Variants in VSIG4 observed in about 807,000 individuals in gnomAD.
The protein encoded by VSIG4 is V-set and immunoglobulin domain containing 4, also known as V-set and immunoglobulin domain-containing protein 4.
Under a neutral mutation model 23.4 loss-of-function variants are expected in VSIG4, and 34 were observed. The observed-to-expected ratio is 1.45, with a 90% CI of 1.10 to 1.93. The LOEUF (loss-of-function observed/expected upper bound fraction) is 1.93, where lower values mean the gene tolerates loss of function less well. Ranked by LOEUF, VSIG4 falls within the 30% of genes most tolerant of loss-of-function variation. The probability of loss-of-function intolerance (pLI) is 0.00; values close to 1 mark genes in which losing one functional copy is unlikely to be tolerated. For synonymous variants in VSIG4, 169 were observed against 120.3 expected (o/e 1.41, Z -2.65); for missense variants, 433 against 310.8 (o/e 1.39, Z -2.96).
At chrX:66,039,399 G>T (rs943464172) in intron 1 of VSIG4, among the ~76,000 whole-genome samples, 2 of 112,081 alleles carry the variant, frequency 1.8e-5, no homozygotes, top group Non-Finnish European at 3.8e-5. Flanking sequence ...AGTTGGAGCT[G>T]CTCCTGGATG....
chrX:66,039,775 T>G (rs988933718), intron 1 of VSIG4, among the ~76,000 whole-genome samples, 169 bp downstream of exon 1: 20 of 112,658 alleles, frequency 1.8e-4, no homozygotes, highest in Non-Finnish European at 3.0e-4. Context: ...TTCAGCAGCC[T>G]TCAACTACAT....
chrX:66,036,135 T>C (rs192448032), intron 1 of VSIG4, among the ~76,000 whole-genome samples: 3 of 111,210 alleles, frequency 2.7e-5, no homozygotes, highest in African/African-American at 9.8e-5. Flanking sequence ...TTTTACTTTT[T>C]TTTTCCTCTC....
rs752516116 is a variant in VSIG4, at chrX:66,025,325, G to A, written c.836-196C>T. Among the ~76,000 whole-genome samples, 10 of 112,151 alleles carry A rather than the reference G, an allele frequency of 8.9e-5. No individual in the cohort carries two copies. The South Asian group carries it at 3.7e-3, about 41-fold the overall frequency. ...GAGAAAGAGATGCCATGTGTAAACA[G>A]GTTCTTCCAGACTCACTGGTGGGCT... On this transcript the variant is annotated intron_variant, in intron 5 of 7. Coordinates refer to ENST00000374737, the MANE Select transcript of VSIG4 (RefSeq NM_007268.3).
At chrX:66,029,285 A>G (rs1459302797) in intron 3 of VSIG4, among the ~76,000 whole-genome samples, 1 of 111,846 alleles carries the variant, frequency 8.9e-6, no homozygotes, top group East Asian at 2.8e-4. Flanking sequence ...CCTTTTGAGA[A>G]AGGAAGCAAA....
Position 66,039,981 on chromosome X carries a change from G to A in VSIG4, c.18C>T (p.Gly6=), listed in dbSNP as rs1255928683. 1 of 1,209,954 alleles carries A rather than the reference G, an allele frequency of 8.3e-7. No homozygotes were observed. Among genetic ancestry groups the A allele is most frequent in the African/African-American group, 1.7e-5 (1 of 57,293 alleles). MGILL[G]LLLLGHLTVD... ...CTGTTAGGTGCCCCAGGAGTAGCAG[G>A]CCCAGTAAGATCCCCATCACAGCCA... The change falls in exon 1 of 8, where the codon GGC becomes GGT. Residue 6 remains glycine, a synonymous_variant. Transcript: ENST00000374737.
At chrX:66,032,824 T>C (rs2085481731) in intron 2 of VSIG4, 75 bp from the exon 3 acceptor site, 2 of 1,080,383 alleles carry the variant, frequency 1.9e-6, no homozygotes, top group African/African-American at 3.7e-5. Flanking sequence ...ATCATTCTTG[T>C]TGGGCGTAAG....
chrX:66,025,094 T>C lies in VSIG4; in HGVS notation c.871A>G (p.Ile291Val), dbSNP rs1211672362. ...AAAACCACCATACAGCACAAGGAGA[T>C]GATGAGGATGATGGCAAAGACAGGC... ...SLPVFAIILIISLCCMVVFTM... is the reference protein window; with the variant it reads ...SLPVFAIILIVSLCCMVVFTM... Residue 291 changes from isoleucine (I) to valine (V), a missense_variant, in exon 6 of 8, where the codon ATC becomes GTC. Coordinates refer to ENST00000374737, the MANE Select transcript of VSIG4 (RefSeq NM_007268.3). 2 of 1,200,987 alleles carry C rather than the reference T, an allele frequency of 1.7e-6. No individual in the cohort carries two copies. Among genetic ancestry groups the C allele is most frequent in the African/African-American group, 3.5e-5 (2 of 56,828 alleles).
intron 1 of VSIG4, among the ~76,000 whole-genome samples, chrX:66,039,251 G>A (rs759450135): frequency 1.8e-5 from 2 of 112,097 alleles, no homozygotes; most frequent in Admixed American, 1.9e-4. Flanking sequence ...CATAGTACTT[G>A]TCCTCAGGGC....
Position 66,024,093 on chromosome X carries a change from G to A in VSIG4, c.940+932C>T, listed in dbSNP as rs17322952. On this transcript the variant is annotated intron_variant, in intron 6 of 7. Transcript: ENST00000374737. ...TCCATCAGATCCATGGTAGTAACCA[G>A]GCTATTTGGGAGTAAGAGATACTAC... is the stretch of plus-strand genomic sequence containing the variant. Among the ~76,000 whole-genome samples, 75 of 112,458 alleles carry A rather than the reference G, an allele frequency of 6.7e-4. 1 individual carries two copies. The East Asian group carries it at 0.016, about 24-fold the overall frequency.
chrX:66,027,807 T>C (rs760474269), intron 4 of VSIG4, among the ~76,000 whole-genome samples: 1 of 112,438 alleles, frequency 8.9e-6, no homozygotes, highest in Admixed American at 9.4e-5. Flanking sequence ...GTTCTTGTTT[T>C]TTGTATTTCC....
intron 1 of VSIG4, among the ~76,000 whole-genome samples, chrX:66,036,858 TA>T (rs1267892459): frequency 5.4e-5 from 2 of 36,745 alleles, no homozygotes; most frequent in African/African-American, 2.7e-4. Flanking sequence ...ATTATATATA[TA>T]ATAATATATT....
intron 2 of VSIG4, among the ~76,000 whole-genome samples, chrX:66,033,068 G>A (rs1416581289): frequency 9.0e-6 from 1 of 111,504 alleles, no homozygotes; most frequent in African/African-American, 3.3e-5. Flanking sequence ...ATCAGGGCCA[G>A]ACTTTTGTAA....
chrX:66,025,199 A>C, intron 5 of VSIG4, 70 bp from the exon 6 acceptor site: 6 of 731,825 alleles, frequency 8.2e-6, no homozygotes, highest in Non-Finnish European at 9.7e-6. Context: ...TCTAAGAAAC[A>C]GCCTAGACTA....
Position 66,022,184 on chromosome X carries a change from T to C in VSIG4, c.*79A>G, listed in dbSNP as rs775598352. Reference sequence around the variant, plus strand: ...ACTTTGGGCTATCCAGGAAGAGAGGTAGCAGGGAAGAAGGCCATGCAGAAG... The same window carrying C: ...ACTTTGGGCTATCCAGGAAGAGAGGCAGCAGGGAAGAAGGCCATGCAGAAG... On this transcript the variant is annotated 3_prime_UTR_variant, in exon 8 of 8. Coordinates refer to ENST00000374737, the MANE Select transcript of VSIG4 (RefSeq NM_007268.3). The C allele has an allele frequency of 5.8e-6, 7 of 1,209,282 alleles. No individual in the cohort carries two copies. In the South Asian group the frequency reaches 1.2e-4, roughly 21 times the overall value.
chrX:66,028,778 A>T (rs1026899767), intron 3 of VSIG4, among the ~76,000 whole-genome samples: 3 of 109,185 alleles, frequency 2.7e-5, no homozygotes, highest in Non-Finnish European at 5.7e-5. Context: ...AACAAACTTC[A>T]TTTTTGAATA....
intron 3 of VSIG4, 41 bp from the exon 4 acceptor site, chrX:66,028,153 T>A (rs762226314): frequency 1.3e-5 from 15 of 1,129,842 alleles, no homozygotes; most frequent in African/African-American, 1.8e-5. Flanking sequence ...CCTGGTACCC[T>A]TTGGTGAATA....
rs769954211 is a variant in VSIG4, at chrX:66,028,141, G to A, written c.695-29C>T. On this transcript the variant is annotated intron_variant, in intron 3 of 7. Transcript: ENST00000374737. ...CAAGGAAAAGGGAACCGATTGAAGG[G>A]ACCTGGTACCCTTTGGTGAATAGTT... The A allele has an allele frequency of 2.6e-6, 3 of 1,171,832 alleles. No homozygotes were observed. The Admixed American group carries it at 6.5e-5, about 26-fold the overall frequency.
intron 1 of VSIG4, among the ~76,000 whole-genome samples, chrX:66,037,886 G>A (rs997867104): frequency 6.5e-5 from 7 of 106,949 alleles, no homozygotes; most frequent in Admixed American, 5.3e-4. Flanking sequence ...TAATGGCACT[G>A]AAGAAAAGAA....
chrX:66,026,494 C>A (rs955668728), intron 5 of VSIG4, among the ~76,000 whole-genome samples: 5 of 111,987 alleles, frequency 4.5e-5, no homozygotes, highest in African/African-American at 1.6e-4. Flanking sequence ...AACTTCTCTT[C>A]TCCCAGTAGA....
Sources: gnomAD v4.1 joint callset for allele counts (sites outside exome capture counted in the v4.1 genomes callset) on GRCh38, gnomAD v4.1.1 for gene constraint, MANE v1.5 for transcripts, NCBI Gene and HGNC (gene_info 2026-07-23, HGNC 2026-07-21) for gene names.